Variants in HDAC1 observed in about 807,000 individuals in gnomAD.
HDAC1 encodes histone deacetylase 1.
Under a neutral mutation model 65.5 loss-of-function variants are expected in HDAC1, and 18 were observed. The ratio of observed to expected loss-of-function variants is 0.27; its 90% CI spans 0.19 to 0.41. The LOEUF (loss-of-function observed/expected upper bound fraction) is 0.41, where lower values mean the gene tolerates loss of function less well. HDAC1 is among the 10% of genes least tolerant of loss of function. HDAC1 has a pLI of 1.00. For synonymous variants in HDAC1, 211 were observed against 227.9 expected, an observed-to-expected ratio of 0.93 and a Z score of 0.67; for missense variants, 373 against 625.2, an observed-to-expected ratio of 0.60 and a Z score of 4.30.
chr1:32,293,021 T>G (rs1640718641), intron 1 of HDAC1, among the ~76,000 whole-genome samples: 1 of 152,110 alleles, frequency 6.6e-6, no homozygotes, highest in Non-Finnish European at 1.5e-5. Context: ...GGACAGGACC[T>G]TTGAAAAACA....
At chr1:32,301,113 A>T (rs1264264953) in intron 1 of HDAC1, among the ~76,000 whole-genome samples, 1 of 150,690 alleles carries the variant, frequency 6.6e-6, no homozygotes, top group Non-Finnish European at 1.5e-5. Flanking sequence ...CTGGAAAGGC[A>T]GGTTAAGAAA....
chr1:32,305,606 CTTTTTTTTT>C (rs796787096), intron 2 of HDAC1, among the ~76,000 whole-genome samples: 1 of 134,596 alleles, frequency 7.4e-6, no homozygotes, highest in Non-Finnish European at 1.6e-5. Flanking sequence ...CATTGGTTGT[CTTTTTTTTT>C]TTTTTTTTTC....
chr1:32,327,825 T>G lies in HDAC1; in HGVS notation c.636+148T>G. On this transcript the variant is annotated intron_variant, in intron 6 of 13. Transcript: ENST00000373548. This position sits in a 1 kb window ranked among gnomAD's most constrained non-coding sequence, Gnocchi z 6.0. ...ATCTGAAGCACTTGCCCTGATCTCT[T>G]TCCCTTCCTTATTCTGGAGGAAGGG... is the stretch of plus-strand genomic sequence containing the variant. 1.4e-6 allele frequency: 1 copy of G among 704,500 alleles called. No homozygotes were observed. Among genetic ancestry groups the G allele is most frequent in the Non-Finnish European group, 2.6e-6 (1 of 390,598 alleles). 43.6% of individuals were successfully genotyped at this position (704,500 alleles called of 1,614,324 possible).
chr1:32,304,249 T>A (rs1478670010), intron 2 of HDAC1, among the ~76,000 whole-genome samples: 2 of 152,180 alleles, frequency 1.3e-5, no homozygotes, highest in Non-Finnish European at 2.9e-5. Context: ...CTAGATGGCC[T>A]TGTCATGTCT....
In HDAC1 at chr1:32,329,365, T is replaced by A. The variant is rs1272571451; in HGVS notation, c.729+205T>A. 1 of 602,274 alleles carries A rather than the reference T, an allele frequency of 1.7e-6. No homozygotes were observed. The highest frequency in any genetic ancestry group is 2.8e-5 in the East Asian group (1 of 36,200). The allele number at this position is 602,274 out of a possible 1,614,324, so 37.3% of individuals were successfully genotyped here. On this transcript the variant is annotated intron_variant, in intron 7 of 13. Coordinates refer to ENST00000373548, the MANE Select transcript of HDAC1 (RefSeq NM_004964.3). The surrounding 1 kb of genome is among the most constrained non-coding windows in gnomAD (Gnocchi z 4.1). Reference sequence around the variant, plus strand: ...GGTTCCTTCTATGGGTCAGGTCTTCTGCTGGATACAAAAATATCTAAGACA... The same window carrying A: ...GGTTCCTTCTATGGGTCAGGTCTTCAGCTGGATACAAAAATATCTAAGACA...
At chr1:32,304,924 CT>C (rs1640892742) in intron 2 of HDAC1, among the ~76,000 whole-genome samples, 1 of 152,054 alleles carries the variant, frequency 6.6e-6, no homozygotes, top group Admixed American at 6.6e-5. Flanking sequence ...TTTGTCCAGG[CT>C]GGTGTCAAAC....
chr1:32,327,175 C>T lies in HDAC1; in HGVS notation c.494+98C>T, dbSNP rs550234026. 24 of 1,254,238 alleles carry T rather than the reference C, an allele frequency of 1.9e-5. No homozygotes were observed. The highest frequency in any genetic ancestry group is 1.5e-4 in the South Asian group (12 of 77,562). The allele number at this position is 1,254,238 out of a possible 1,614,324, so 77.7% of individuals were successfully genotyped here. A position where few individuals can be genotyped will look rare whatever the true frequency, so the allele number is the denominator to read the frequency against. Reference sequence around the variant, plus strand: ...TGCCTCCCTAGTTTGCTTTTCCTACCGATGTGCTGGCTAGGATGTGCTCGG... The same window carrying T: ...TGCCTCCCTAGTTTGCTTTTCCTACTGATGTGCTGGCTAGGATGTGCTCGG... On this transcript the variant is annotated intron_variant, in intron 5 of 13. Transcript: ENST00000373548. The surrounding 1 kb of genome is among the most constrained non-coding windows in gnomAD (Gnocchi z 6.0).
chr1:32,316,109 T>C (rs690520), intron 2 of HDAC1, among the ~76,000 whole-genome samples: 1 of 151,786 alleles, frequency 6.6e-6, no homozygotes, highest in East Asian at 1.9e-4. Flanking sequence ...GGTGAAACCC[T>C]GTCTCTACTA....
chr1:32,300,067 GAAAA>G (rs1173876216), intron 1 of HDAC1, among the ~76,000 whole-genome samples: 1 of 151,258 alleles, frequency 6.6e-6, no homozygotes, highest in Non-Finnish European at 1.5e-5. Flanking sequence ...CAAAAAAAAA[GAAAA>G]AAGGAAAATC....
At chr1:32,292,264 C>T (rs1291940511) in intron 1 of HDAC1, 46 bp downstream of exon 1, 3 of 1,545,840 alleles carry the variant, frequency 1.9e-6, no homozygotes, top group South Asian at 2.4e-5. Flanking sequence ...CCGGGCCGGA[C>T]CGGGAACCTG....
At chr1:32,308,541 C>T (rs1018827635) in intron 2 of HDAC1, among the ~76,000 whole-genome samples, 7 of 151,960 alleles carry the variant, frequency 4.6e-5, no homozygotes, top group Non-Finnish European at 8.8e-5. Context: ...TTTTCTGGGA[C>T]GGAGTCTTGA....
chr1:32,325,838 C>T (rs2148069680), intron 4 of HDAC1, among the ~76,000 whole-genome samples: 1 of 152,218 alleles, frequency 6.6e-6, no homozygotes, highest in East Asian at 1.9e-4. Context: ...CCAGCCTGAC[C>T]AACATGGTGA....
rs1036148135 is a variant in HDAC1, at chr1:32,316,800, C to T, written c.280+18C>T. The T allele has an allele frequency of 6.7e-7, 1 of 1,502,434 alleles. No individual in the cohort carries two copies. Among genetic ancestry groups the T allele is most frequent in the Non-Finnish European group, 9.3e-7 (1 of 1,078,228 alleles). 93.1% of individuals were successfully genotyped at this position (1,502,434 alleles called of 1,614,324 possible). On this transcript the variant is annotated intron_variant, in intron 3 of 13. Transcript: ENST00000373548. The stretch of plus-strand genomic sequence containing the variant: ...GCAGAGATGTAAGTCCATTCTGTTC[C>T]CTCACACTCTGAAGCCGCCAGTTGC...
intron 4 of HDAC1, among the ~76,000 whole-genome samples, chr1:32,326,482 C>T (rs1236939059): frequency 6.6e-6 from 1 of 152,048 alleles, no homozygotes; most frequent in Non-Finnish European, 1.5e-5. Context: ...GGTATTTTTT[C>T]AAAGTTCCTT....
At chr1:32,302,420 C>T (rs1284291918) in intron 1 of HDAC1, among the ~76,000 whole-genome samples, 1 of 150,318 alleles carries the variant, frequency 6.7e-6, no homozygotes, top group Non-Finnish European at 1.5e-5. Flanking sequence ...TAGACTGAAC[C>T]TTAAATGTTC....
In HDAC1 at chr1:32,333,223, G is replaced by A. The variant is rs1376467548; in HGVS notation, c.*179G>A. 2.0e-6 allele frequency: 1 copy of A among 495,836 alleles called. No homozygotes were observed. Among genetic ancestry groups the A allele is most frequent in the African/African-American group, 2.0e-5 (1 of 50,536 alleles). The allele number at this position is 495,836 out of a possible 1,614,324, so 30.7% of individuals were successfully genotyped here. ...CAGCTGTGCTGGGTGAGCTCTTCCA[G>A]GAGCCACCTTGCCACCCATTCTTCC... is the stretch of plus-strand genomic sequence containing the variant. On this transcript the variant is annotated 3_prime_UTR_variant, in exon 14 of 14. Coordinates refer to ENST00000373548, the MANE Select transcript of HDAC1 (RefSeq NM_004964.3).
At chr1:32,326,436 A>G (rs919603190) in intron 4 of HDAC1, among the ~76,000 whole-genome samples, 1 of 152,086 alleles carries the variant, frequency 6.6e-6, no homozygotes, top group African/African-American at 2.4e-5. Context: ...AACTTCTGGG[A>G]TTACAGGTGT....
At chr1:32,325,376 A>G (rs1055026066) in intron 4 of HDAC1, among the ~76,000 whole-genome samples, 2 of 152,208 alleles carry the variant, frequency 1.3e-5, no homozygotes, top group Non-Finnish European at 2.9e-5. Flanking sequence ...CTGCCCCACC[A>G]ATATAATCAC....
intron 3 of HDAC1, among the ~76,000 whole-genome samples, chr1:32,322,919 C>T (rs1459303388): frequency 1.3e-5 from 2 of 152,074 alleles, no homozygotes; most frequent in African/African-American, 4.8e-5. Flanking sequence ...CTGGCTTGTC[C>T]AGCTCATAGA....
Sources: allele counts gnomAD v4.1 joint callset (sites outside exome capture counted in the v4.1 genomes callset), GRCh38; gene constraint gnomAD v4.1.1; non-coding constraint Gnocchi (gnomAD v3.1); transcripts MANE v1.5; gene names NCBI Gene and HGNC (gene_info 2026-07-23, HGNC 2026-07-21).